The following ADAMTS6 variants were observed in gnomAD, a reference collection of about 807,000 sequenced individuals.
ADAMTS6 encodes ADAM metallopeptidase with thrombospondin type 1 motif 6, also known as A disintegrin and metalloproteinase with thrombospondin motifs 6.
Under a neutral mutation model 144.3 loss-of-function variants are expected in ADAMTS6, and 23 were observed. That is an observed-to-expected ratio of 0.16 (90% CI 0.11 to 0.23). The LOEUF (loss-of-function observed/expected upper bound fraction) is 0.23. ADAMTS6 is among the 10% of genes least tolerant of loss of function. ADAMTS6 has a pLI of 1.00. For missense variants in ADAMTS6, 999 were observed against 1,379.6 expected (o/e 0.72, Z 4.37); for synonymous variants, 444 against 457.5 (o/e 0.97, Z 0.38).
At chr5:65,199,695 A>T (rs1022999612) in intron 20 of ADAMTS6, among the ~76,000 whole-genome samples, 1 of 152,174 alleles carries the variant, frequency 6.6e-6, no homozygotes, top group Non-Finnish European at 1.5e-5. Flanking sequence ...TAAAACTGTC[A>T]GCTAAATGTA....
At chr5:65,288,389 G>A (rs555992474) in intron 11 of ADAMTS6, among the ~76,000 whole-genome samples, 53 of 150,016 alleles carry the variant, frequency 3.5e-4, no homozygotes, top group African/African-American at 1.2e-3. Context: ...GCACTATCTC[G>A]GCTCACTGCA....
intron 7 of ADAMTS6, among the ~76,000 whole-genome samples, chr5:65,398,784 GAAAGAAAGAAAGAAAGAAAGAAAGAA>G (rs1753594253): frequency 1.1e-3 from 55 of 48,614 alleles, no homozygotes; most frequent in Non-Finnish European, 1.4e-3. Context: ...GAGAGAGCAA[GAAAGAAAGAAAGAAAGAAAGAAAGAA>G]AGAAAGAAAG....
intron 10 of ADAMTS6, among the ~76,000 whole-genome samples, chr5:65,292,783 T>TA (rs1742447489): frequency 6.6e-6 from 1 of 152,114 alleles, no homozygotes; most frequent in Non-Finnish European, 1.5e-5. Flanking sequence ...ATGGTACTAA[T>TA]ACAGATGGAT....
intron 6 of ADAMTS6, 36 bp from the exon 7 acceptor site, chr5:65,451,656 C>G (rs1390542425): frequency 6.2e-7 from 1 of 1,606,796 alleles, no homozygotes; most frequent in African/African-American, 1.3e-5. Context: ...ATGTTCCAAA[C>G]AAATTACTAA....
intron 22 of ADAMTS6, among the ~76,000 whole-genome samples, chr5:65,187,766 T>C (rs1259600434): frequency 6.6e-6 from 1 of 152,202 alleles, no homozygotes; most frequent in African/African-American, 2.4e-5. Context: ...GTACCCACTA[T>C]AATGTTATTT....
chr5:65,196,522 C>CAAAA (rs533444182), intron 21 of ADAMTS6, among the ~76,000 whole-genome samples: 2,642 of 37,992 alleles, frequency 0.07, 727 homozygotes, highest in Admixed American at 0.11. Flanking sequence ...GACTCCGTCT[C>CAAAA]AAAAAAAAAA....
chr5:65,345,757 C>T (rs1035065521), intron 7 of ADAMTS6, among the ~76,000 whole-genome samples: 7 of 151,760 alleles, frequency 4.6e-5, no homozygotes, highest in South Asian at 2.1e-4. Flanking sequence ...TTCTTTCATA[C>T]GAATGAAAAA....
intron 7 of ADAMTS6, among the ~76,000 whole-genome samples, chr5:65,363,835 C>A (rs576184396): frequency 4.1e-4 from 62 of 152,224 alleles, no homozygotes; most frequent in African/African-American, 1.3e-3. Flanking sequence ...AATTTCAAAT[C>A]AAAATAAATC....
chr5:65,314,730 T>C (rs1744823531), intron 9 of ADAMTS6, among the ~76,000 whole-genome samples: 2 of 152,174 alleles, frequency 1.3e-5, no homozygotes, highest in African/African-American at 2.4e-5. Context: ...GTAAATTCTG[T>C]GTCCAGTGAA....
At chr5:65,412,483 C>T (rs77156495) in intron 7 of ADAMTS6, among the ~76,000 whole-genome samples, 6 of 152,030 alleles carry the variant, frequency 3.9e-5, no homozygotes, top group Non-Finnish European at 8.8e-5. Flanking sequence ...GATTTGATAC[C>T]AAAACAATGC....
intron 15 of ADAMTS6, among the ~76,000 whole-genome samples, chr5:65,238,750 C>T (rs1350433030): frequency 6.6e-6 from 1 of 152,050 alleles, no homozygotes; most frequent in East Asian, 1.9e-4. Context: ...CATGCAGGAC[C>T]TTACACTTAA....
chr5:65,441,038 A>T (rs151326025), intron 7 of ADAMTS6, among the ~76,000 whole-genome samples: 57 of 152,316 alleles, frequency 3.7e-4, no homozygotes, highest in South Asian at 1.0e-3. Flanking sequence ...TAATAAAGAA[A>T]TTGTCAATTG....
intron 9 of ADAMTS6, among the ~76,000 whole-genome samples, chr5:65,310,346 T>C (rs1342161988): frequency 6.6e-6 from 1 of 152,082 alleles, no homozygotes; most frequent in Non-Finnish European, 1.5e-5. Flanking sequence ...AGCAACAAAG[T>C]GAGACCCTGT....
chr5:65,372,315 T>C (rs1167591245), intron 7 of ADAMTS6, among the ~76,000 whole-genome samples: 2 of 151,614 alleles, frequency 1.3e-5, no homozygotes, highest in Non-Finnish European at 2.9e-5. Context: ...GACTGGCAAA[T>C]TGGATAAAGA....
intron 8 of ADAMTS6, among the ~76,000 whole-genome samples, chr5:65,330,165 G>C (rs1028709618): frequency 9.9e-5 from 15 of 151,692 alleles, no homozygotes; most frequent in Admixed American, 3.9e-4. Context: ...TACTAATAAA[G>C]CAAATACTAT....
At chr5:65,407,999 A>G (rs973131956) in intron 7 of ADAMTS6, among the ~76,000 whole-genome samples, 2 of 152,202 alleles carry the variant, frequency 1.3e-5, no homozygotes, top group African/African-American at 2.4e-5. Flanking sequence ...TGAAAGAAGC[A>G]CTAAACATGG....
chr5:65,337,481 T>A (rs920059888), intron 7 of ADAMTS6, among the ~76,000 whole-genome samples: 1 of 152,104 alleles, frequency 6.6e-6, no homozygotes, highest in Non-Finnish European at 1.5e-5. Flanking sequence ...CACAAACTAT[T>A]CTCTGTGCTG....
chr5:65,210,693 T>C (rs1412266781), intron 20 of ADAMTS6: 3 of 641,170 alleles, frequency 4.7e-6, no homozygotes, highest in African/African-American at 3.6e-5. Context: ...AATAATTTAA[T>C]GTGGAAGTAC....
chr5:65,370,097 T>C lies in ADAMTS6; in HGVS notation c.1074-36012A>G, dbSNP rs529472542. On this transcript the variant is annotated intron_variant, in intron 7 of 24. Coordinates refer to ENST00000381055, the MANE Select transcript of ADAMTS6 (RefSeq NM_197941.4). ...ATTTTAAGGTCAGTGAACCTCAAAATGTATGTTTTCATTTAGAAAGAAATA... is the reference window on the plus strand; with the variant it reads ...ATTTTAAGGTCAGTGAACCTCAAAACGTATGTTTTCATTTAGAAAGAAATA... Among the ~76,000 whole-genome samples, 65 of 152,300 alleles carry C rather than the reference T, an allele frequency of 4.3e-4. No homozygotes were observed. The Middle Eastern group carries it at 0.01, about 24-fold the overall frequency.
Sources: allele counts gnomAD v4.1 joint callset (sites outside exome capture counted in the v4.1 genomes callset), GRCh38; gene constraint gnomAD v4.1.1; transcripts MANE v1.5; gene names NCBI Gene and HGNC (gene_info 2026-07-23, HGNC 2026-07-21).